PCDHGB3: variants seen among roughly 807,000 people sequenced by gnomAD.
PCDHGB3 encodes the protein protocadherin gamma-B3.
Under a neutral mutation model 59.2 loss-of-function variants are expected in PCDHGB3, and 40 were observed. That is an observed-to-expected ratio of 0.68 (90% CI 0.52 to 0.88). The LOEUF is 0.88. Ranked by LOEUF, PCDHGB3 falls within the 40% of genes least tolerant of loss-of-function variation. The probability of loss-of-function intolerance (pLI) is 0.00; values close to 1 mark genes in which losing one functional copy is unlikely to be tolerated. For missense variants in PCDHGB3, 1,309 were observed against 1,187.9 expected, an observed-to-expected ratio of 1.10 and a Z score of -1.50; for synonymous variants, 581 against 503.6, an observed-to-expected ratio of 1.15 and a Z score of -2.06.
In PCDHGB3 at chr5:141,493,521, G is replaced by A. The variant is rs967636266; in HGVS notation, c.2416-1286G>A. Among the ~76,000 whole-genome samples the A allele has an allele frequency of 3.9e-5, 6 of 152,242 alleles. No homozygotes were observed. In the East Asian group the frequency reaches 7.7e-4, roughly 20 times the overall value. The stretch of plus-strand genomic sequence containing the variant: ...CTCATTTCTGAGCAGTCCCCGCAGC[G>A]CAAACTTGGCCAGTTATCCTTTTGG... On this transcript the variant is annotated intron_variant, in intron 1 of 3. Coordinates refer to ENST00000576222, the MANE Select transcript of PCDHGB3 (RefSeq NM_018924.5). This position sits in a 1 kb window ranked among gnomAD's most constrained non-coding sequence, Gnocchi z 4.3.
In PCDHGB3 at chr5:141,487,678, C is replaced by T. The variant is rs1416406108; in HGVS notation, c.2416-7129C>T. ...ATTCTGATCCAGGCATATGGCTAGG[C>T]CATGTCCTAGAGAGTACTGGCCTCT... On this transcript the variant is annotated intron_variant, in intron 1 of 3. Transcript: ENST00000576222. The surrounding 1 kb of genome is among the most constrained non-coding windows in gnomAD (Gnocchi z 5.0). 6.2e-7 allele frequency: 1 copy of T among 1,609,696 alleles called. No individual in the cohort carries two copies. Among genetic ancestry groups the T allele is most frequent in the South Asian group, 1.1e-5 (1 of 90,230 alleles).
At chr5:141,394,226 C>CT (rs771492563) in intron 1 of PCDHGB3, 132 of 1,613,834 alleles carry the variant, frequency 8.2e-5, no homozygotes, top group Non-Finnish European at 1.1e-4. Context: ...GAGCCTCCAT[C>CT]TTTTCCTTGA....
chr5:141,375,705 C>T, intron 1 of PCDHGB3: 7 of 1,614,280 alleles, frequency 4.3e-6, no homozygotes, highest in Non-Finnish European at 5.9e-6. Context: ...GGGGACCCGC[C>T]TCTTAGCAGC....
chr5:141,403,341 C>T (rs1279947533), intron 1 of PCDHGB3: 1 of 1,613,988 alleles, frequency 6.2e-7, no homozygotes, highest in Non-Finnish European at 8.5e-7. Flanking sequence ...AACGACAGCG[C>T]CCCAAAGTTC....
At position 141,477,896 on chromosome 5, in the gene PCDHGB3, G is replaced by A. The variant is rs1444527086; in HGVS notation, c.2416-16911G>A. 2 of 1,614,174 alleles carry A rather than the reference G, an allele frequency of 1.2e-6. No individual in the cohort carries two copies. Among genetic ancestry groups the A allele is most frequent in the Non-Finnish European group, 1.7e-6 (2 of 1,180,038 alleles). ...AGCTGGCCACCTAGTGTCACGGGTG[G>A]TAGGCTGGGACGCGGATGCAGGGCA... On this transcript the variant is annotated intron_variant, in intron 1 of 3. Coordinates refer to ENST00000576222, the MANE Select transcript of PCDHGB3 (RefSeq NM_018924.5). The surrounding 1 kb of genome is among the most constrained non-coding windows in gnomAD (Gnocchi z 4.9).
chr5:141,486,169 A>T lies in PCDHGB3; in HGVS notation c.2416-8638A>T. On this transcript the variant is annotated intron_variant, in intron 1 of 3. Transcript: ENST00000576222. The surrounding 1 kb of genome is among the most constrained non-coding windows in gnomAD (Gnocchi z 5.0). ...ATGGGGGTTCTCCAGCCATGGAGCA[A>T]CATTGCAGCCTTCGAGTGGATCTGC... 1 of 1,614,206 alleles carries T rather than the reference A, an allele frequency of 6.2e-7. No homozygotes were observed. Among genetic ancestry groups the T allele is most frequent in the Non-Finnish European group, 8.5e-7 (1 of 1,180,032 alleles).
rs1768797135 is a variant in PCDHGB3 at position 141,372,472 on chromosome 5, T to C, written c.2078T>C (p.Val693Ala). The stretch of plus-strand genomic sequence containing the variant: ...CAGGCGGAGCTACAGTTTCACCTAG[T>C]AGTGGCGTTGGCCTTGATCTCAGTG... ...DPQAELQFHL[V>A]VALALISVLF... The change falls in exon 1 of 4, where the codon GTA (valine) becomes GCA (alanine). Residue 693 changes from valine (V) to alanine (A), a missense_variant. Physicochemically the swap from Val to Ala is moderately conservative, Grantham distance 64 (BLOSUM62 0). Transcript: ENST00000576222. The C allele has an allele frequency of 5.0e-6, 8 of 1,614,034 alleles. No individual in the cohort carries two copies. Among genetic ancestry groups the C allele is most frequent in the African/African-American group, 1.3e-5 (1 of 75,076 alleles).
In PCDHGB3 at chr5:141,431,184, T is replaced by G. The variant is rs754537015; in HGVS notation, c.2415+58375T>G. The G allele has an allele frequency of 5.6e-6, 9 of 1,614,090 alleles. No homozygotes were observed. Among genetic ancestry groups the G allele is most frequent in the Non-Finnish European group, 6.8e-6 (8 of 1,180,050 alleles). ...CGTGAAAGTGAATTAGAAATAAAAA[T>G]TAGTGAAAATGCAGCCACTGAGATG... On this transcript the variant is annotated intron_variant, in intron 1 of 3. Transcript: ENST00000576222. The surrounding 1 kb of genome is among the most constrained non-coding windows in gnomAD (Gnocchi z 4.8).
At chr5:141,403,877 T>A in intron 1 of PCDHGB3, 1 of 1,613,796 alleles carries the variant, frequency 6.2e-7, no homozygotes, top group Non-Finnish European at 8.5e-7. Context: ...AAGTCTAGAT[T>A]ATGAAGAATG....
intron 1 of PCDHGB3, chr5:141,409,345 A>G (rs1012428329): frequency 6.2e-7 from 1 of 1,614,020 alleles, no homozygotes; most frequent in Non-Finnish European, 8.5e-7. Flanking sequence ...GAAATGGAGA[A>G]GTCAGGTGTA....
chr5:141,505,513 G>A lies in PCDHGB3; in HGVS notation c.2563+32G>A, dbSNP rs1157816684. ...GGTGTCAGTGTGTGTATGGAAGAGT[G>A]GGAGACCTGGGGTTCTGGGGTGCAT... On this transcript the variant is annotated intron_variant, in intron 3 of 3. Coordinates refer to ENST00000576222, the MANE Select transcript of PCDHGB3 (RefSeq NM_018924.5). The A allele has an allele frequency of 3.1e-6, 5 of 1,613,710 alleles. No homozygotes were observed. In the South Asian group the frequency reaches 3.3e-5, roughly 11 times the overall value.
chr5:141,373,102 C>T (rs182664411), intron 1 of PCDHGB3, among the ~76,000 whole-genome samples: 60 of 152,332 alleles, frequency 3.9e-4, no homozygotes, highest in Admixed American at 3.5e-3. Flanking sequence ...CATTTTCAGA[C>T]ATATCTATCC....
intron 1 of PCDHGB3, chr5:141,410,497 T>TG (rs1192894414): frequency 6.2e-7 from 1 of 1,613,998 alleles, no homozygotes; most frequent in South Asian, 1.1e-5. Flanking sequence ...AAGAGTTTAA[T>TG]TTCCTAAAAT....
At position 141,443,088 on chromosome 5, in the gene PCDHGB3, T is replaced by C. The variant is rs188899890; in HGVS notation, c.2416-51719T>C. On this transcript the variant is annotated intron_variant, in intron 1 of 3. Transcript: ENST00000576222. ...CGTCTTATGACTGAGTGTTCCAGTC[T>C]CCTTCTCAAGCTGAACCTTGCTTTT... is the stretch of plus-strand genomic sequence containing the variant. 2.9e-3 allele frequency among the ~76,000 whole-genome samples: 446 copies of C among 152,092 alleles called. 1 individual carries two copies. Among genetic ancestry groups the C allele is most frequent in the Middle Eastern group, 0.014 (4 of 294 alleles).
chr5:141,418,599 A>C, intron 1 of PCDHGB3: 2 of 1,614,054 alleles, frequency 1.2e-6, no homozygotes. Context: ...CAGGACGTGT[A>C]CAGGGTTAGC....
At chr5:141,427,426 C>G (rs569185252) in intron 1 of PCDHGB3, 1 of 469,896 alleles carries the variant, frequency 2.1e-6, no homozygotes, top group Admixed American at 2.3e-5. Flanking sequence ...GGGGAGGTTA[C>G]ATGCCTCATA....
Position 141,487,341 on chromosome 5 carries a change from TC to T in PCDHGB3, c.2416-7465del, listed in dbSNP as rs778559139. Reference sequence around the variant, plus strand: ...TGTCTTCGTGGGGCAGCCTGTGGAGTCACATGCTTTCCTGCTGGCACCTGTG... The same window carrying T: ...TGTCTTCGTGGGGCAGCCTGTGGAGTACATGCTTTCCTGCTGGCACCTGTG... On this transcript the variant is annotated intron_variant, in intron 1 of 3. Transcript: ENST00000576222. This position sits in a 1 kb window ranked among gnomAD's most constrained non-coding sequence, Gnocchi z 5.0. 1 of 1,614,012 alleles carries T rather than the reference TC, an allele frequency of 6.2e-7. No homozygotes were observed. The highest frequency in any genetic ancestry group is 1.1e-5 in the South Asian group (1 of 91,074).
rs2099686717 is a variant in PCDHGB3, at chr5:141,489,403, A to C, written c.2416-5404A>C. The C allele has an allele frequency of 6.2e-7, 1 of 1,614,172 alleles. No homozygotes were observed. Among genetic ancestry groups the C allele is most frequent in the East Asian group, 2.2e-5 (1 of 44,884 alleles). On this transcript the variant is annotated intron_variant, in intron 1 of 3. Coordinates refer to ENST00000576222, the MANE Select transcript of PCDHGB3 (RefSeq NM_018924.5). The surrounding 1 kb of genome is among the most constrained non-coding windows in gnomAD (Gnocchi z 4.5). ...GAATGTTGCTCAGGATCTGGGCTTA[A>C]AGATGACAGATCTGTTGAGCCGGCG...
At chr5:141,382,344 A>T (rs1323658613) in intron 1 of PCDHGB3, among the ~76,000 whole-genome samples, 1 of 152,224 alleles carries the variant, frequency 6.6e-6, no homozygotes, top group Non-Finnish European at 1.5e-5. Context: ...AAAATCTTTC[A>T]TATGTATTTA....
Sources: gnomAD v4.1 joint callset for allele counts (sites outside exome capture counted in the v4.1 genomes callset) on GRCh38, gnomAD v4.1.1 for gene constraint, Gnocchi (gnomAD v3.1) non-coding constraint, MANE v1.5 for transcripts, NCBI Gene and HGNC (gene_info 2026-07-23, HGNC 2026-07-21) for gene names.